The following DNAH8 variants were observed in gnomAD, a reference collection of about 807,000 sequenced individuals.
DNAH8 encodes axonemal beta dynein heavy chain 8.
A neutral mutation model predicts 562.1 loss-of-function variants in DNAH8; 382 were observed. That is an observed-to-expected ratio of 0.68 (90% CI 0.63 to 0.74). The LOEUF is 0.74. DNAH8 is among the 30% of genes least tolerant of loss of function. The pLI is 0.00. For missense variants in DNAH8, 5,203 were observed against 5,620.4 expected (o/e 0.93, Z 2.37); for synonymous variants, 1,881 against 1,919.4 (o/e 0.98, Z 0.52).
intron 87 of DNAH8, 58 bp from the exon 88 acceptor site, chr6:38,989,954 A>G: frequency 1.0e-6 from 1 of 972,686 alleles, no homozygotes; most frequent in Non-Finnish European, 1.6e-6. Flanking sequence ...CCTTTCTTGT[A>G]GCAGTTTTCA....
intron 82 of DNAH8, among the ~76,000 whole-genome samples, chr6:38,965,091 AAAAT>A (rs1415831002): frequency 2.0e-5 from 3 of 150,774 alleles, no homozygotes; most frequent in Non-Finnish European, 3.0e-5. Flanking sequence ...AAAATAAAAT[AAAAT>A]AAAATAAAAT....
chr6:38,821,887 A>G (rs1772884553), intron 26 of DNAH8, among the ~76,000 whole-genome samples: 1 of 152,198 alleles, frequency 6.6e-6, no homozygotes, highest in Admixed American at 6.5e-5. Flanking sequence ...TTATCTTCAA[A>G]AGATGTATTT....
At chr6:38,740,361 C>T (rs72858240) in intron 7 of DNAH8, among the ~76,000 whole-genome samples, 28,032 of 152,044 alleles carry the variant, frequency 0.18, 3,383 homozygotes, top group Non-Finnish European at 0.27. Flanking sequence ...TTAGGTAGGT[C>T]TTCTGTGTGT....
intron 3 of DNAH8, among the ~76,000 whole-genome samples, chr6:38,725,584 C>T (rs191696811): frequency 1.4e-4 from 21 of 152,130 alleles, no homozygotes; most frequent in Non-Finnish European, 2.5e-4. Context: ...GAGATGTGTA[C>T]GTAAAACAAG....
intron 26 of DNAH8, among the ~76,000 whole-genome samples, chr6:38,821,307 A>C (rs545027824): frequency 3.4e-4 from 52 of 152,360 alleles, no homozygotes; most frequent in African/African-American, 1.3e-3. Context: ...CTGAAACTGC[A>C]AAACATTGCT....
At chr6:38,884,284 A>G (rs1221202388) in intron 56 of DNAH8, among the ~76,000 whole-genome samples, 1 of 151,808 alleles carries the variant, frequency 6.6e-6, no homozygotes, top group Non-Finnish European at 1.5e-5. Context: ...GGTGTGCTGC[A>G]CCCATTAACT....
At chr6:38,785,325 CTGATG>C (rs1769043345) in intron 17 of DNAH8, among the ~76,000 whole-genome samples, 1 of 152,132 alleles carries the variant, frequency 6.6e-6, no homozygotes, top group Admixed American at 6.6e-5. Context: ...TAAAGTTTCT[CTGATG>C]GTGGTTCACA....
At chr6:38,832,166 G>T (rs776979418) in intron 30 of DNAH8, among the ~76,000 whole-genome samples, 156 bp from the exon 31 acceptor site, 15 of 152,112 alleles carry the variant, frequency 9.9e-5, no homozygotes, top group Non-Finnish European at 2.9e-5. Context: ...TCTCCTGTAG[G>T]TTCATTTGGG....
chr6:38,995,645 C>T (rs929143482), intron 88 of DNAH8, among the ~76,000 whole-genome samples: 2 of 152,204 alleles, frequency 1.3e-5, no homozygotes, highest in Non-Finnish European at 2.9e-5. Context: ...CAAAGACATG[C>T]AAACTAGTCT....
chr6:38,774,016 G>A (rs143417394), intron 12 of DNAH8, among the ~76,000 whole-genome samples: 100 of 152,334 alleles, frequency 6.6e-4, no homozygotes, highest in Middle Eastern at 3.4e-3. Context: ...GAAGGCTCTA[G>A]TGTGTCAGTG....
intron 13 of DNAH8, among the ~76,000 whole-genome samples, chr6:38,776,260 C>T (rs560155557): frequency 3.3e-5 from 5 of 151,072 alleles, no homozygotes; most frequent in South Asian, 2.1e-4. Context: ...CTCCATTGCC[C>T]GGGCTAGAGT....
intron 76 of DNAH8, among the ~76,000 whole-genome samples, chr6:38,933,678 C>T (rs903009020): frequency 1.3e-5 from 2 of 152,226 alleles, no homozygotes; most frequent in South Asian, 4.1e-4. Flanking sequence ...CCTGCAAATA[C>T]AGCAATGCTC....
rs200370466 is a variant in DNAH8 at position 38,898,358 on chromosome 6, A to G, written c.9041A>G (p.Asp3014Gly). ...TCTCTTGATCTGGTGTTTTTTAAAGATGCAATGACTCATCTTATTAAGGTC... is the reference window on the plus strand; with the variant it reads ...TCTCTTGATCTGGTGTTTTTTAAAGGTGCAATGACTCATCTTATTAAGGTC... Reference protein sequence around the residue: ...GTSLDLVFFKDAMTHLIKISR... With the variant: ...GTSLDLVFFKGAMTHLIKISR... Residue 3014 changes from aspartate to glycine, a missense_variant, in exon 61 of 93, where the codon GAT (aspartate) becomes GGT (glycine). This residue lies in a region of DNAH8 where 977 missense variants were observed against 1,061.8 expected (regional missense o/e 0.92). Transcript: ENST00000327475. 53 of 1,580,530 alleles carry G rather than the reference A, an allele frequency of 3.4e-5. No individual in the cohort carries two copies. The highest frequency in any genetic ancestry group is 3.9e-5 in the Non-Finnish European group (46 of 1,169,604).
At chr6:38,850,546 T>A (rs1775659939) in intron 38 of DNAH8, 132 bp downstream of exon 38, 1 of 754,784 alleles carries the variant, frequency 1.3e-6, no homozygotes, top group Non-Finnish European at 2.0e-6. Context: ...AAATTTCACA[T>A]AGATTGAACT....
chr6:38,872,714 C>A lies in DNAH8; in HGVS notation c.7169C>A (p.Thr2390Asn). The change falls in exon 50 of 93, where the codon ACT becomes AAT. Residue 2390 changes from threonine to asparagine, a missense_variant. By Grantham distance (65) the Thr-to-Asn change is moderately conservative. Coordinates refer to ENST00000327475, the MANE Select transcript of DNAH8 (RefSeq NM_001206927.2). ...CCTCAGATGTTTGGCAGACTGGACA[C>A]TGCTACCAATGACTGGACAGATGGG... Reference protein sequence around the residue: ...TAPQMFGRLDTATNDWTDGIF... With the variant: ...TAPQMFGRLDNATNDWTDGIF... The A allele has an allele frequency of 6.2e-7, 1 of 1,614,102 alleles. No individual in the cohort carries two copies. The highest frequency in any genetic ancestry group is 1.6e-4 in the Middle Eastern group (1 of 6,062).
rs1771003623 is a variant in DNAH8, at chr6:38,803,759, A to G, written c.3034+448A>G. On this transcript the variant is annotated intron_variant, in intron 22 of 92. Transcript: ENST00000327475. ...AATCTGGGTGAAACCATGTTTTAAG[A>G]CTTTTTTTTTTTCTTTTCCTAGATC... Among the ~76,000 whole-genome samples the G allele has an allele frequency of 3.3e-5, 5 of 150,726 alleles. No homozygotes were observed. In the South Asian group the frequency reaches 8.4e-4, roughly 25 times the overall value.
Position 38,821,767 on chromosome 6 carries a change from G to T in DNAH8, c.3524-1071G>T, listed in dbSNP as rs181628850. On this transcript the variant is annotated intron_variant, in intron 26 of 92. Transcript: ENST00000327475. The stretch of plus-strand genomic sequence containing the variant: ...TGTGGAGATAGGATTTTGCCATGTT[G>T]CCCAGGCTGGTCACGAAATCTTGGA... Among the ~76,000 whole-genome samples the T allele has an allele frequency of 3.6e-3, 552 of 152,254 alleles. 2 individuals carry two copies. Among genetic ancestry groups the T allele is most frequent in the Non-Finnish European group, 6.0e-3 (406 of 68,012 alleles).
At chr6:38,741,643 A>G in intron 7 of DNAH8, 68 bp from the exon 8 acceptor site, 5 of 1,349,532 alleles carry the variant, frequency 3.7e-6, no homozygotes, top group Non-Finnish European at 5.0e-6. Flanking sequence ...GCCTTCAAAA[A>G]GATGCAATCA....
chr6:38,996,297 A>G (rs1765127786), intron 88 of DNAH8, among the ~76,000 whole-genome samples: 1 of 152,058 alleles, frequency 6.6e-6, no homozygotes, highest in Non-Finnish European at 1.5e-5. Flanking sequence ...TTTTATAGTC[A>G]TGTCCACCTT....
Sources: allele counts gnomAD v4.1 joint callset (sites outside exome capture counted in the v4.1 genomes callset), GRCh38; gene constraint gnomAD v4.1.1; regional missense constraint gnomAD v4.1.1; transcripts MANE v1.5; gene names NCBI Gene and HGNC (gene_info 2026-07-23, HGNC 2026-07-21).